KAZN: variants seen among roughly 807,000 people sequenced by gnomAD.
KAZN encodes the protein kazrin.
In KAZN, 40 loss-of-function variants were observed where a neutral mutation model predicts 87.4. The observed-to-expected ratio is 0.46, with a 90% CI of 0.36 to 0.60. The LOEUF (loss-of-function observed/expected upper bound fraction) is 0.60. Ranked by LOEUF, KAZN falls within the 20% of genes least tolerant of loss-of-function variation. KAZN has a pLI of 0.00. For synonymous variants in KAZN, 466 were observed against 458.3 expected, an observed-to-expected ratio of 1.02 and a Z score of -0.22; for missense variants, 898 against 1,073.9, an observed-to-expected ratio of 0.84 and a Z score of 2.29.
intron 2 of KAZN, among the ~76,000 whole-genome samples, chr1:14,986,019 A>T (rs1042482651): frequency 8.6e-4 from 130 of 151,304 alleles, no homozygotes; most frequent in Non-Finnish European, 1.3e-3. Flanking sequence ...AAAAAAAAAA[A>T]AAAAAGGAAA....
At chr1:14,261,578 A>G (rs1651020517) in intron 2 of KAZN, among the ~76,000 whole-genome samples, 1 of 152,174 alleles carries the variant, frequency 6.6e-6, no homozygotes, top group South Asian at 2.1e-4. Flanking sequence ...GAGGCACTTA[A>G]CCCTTCCAGA....
At chr1:14,751,046 G>C (rs1191814042) in intron 1 of KAZN, among the ~76,000 whole-genome samples, 1 of 152,180 alleles carries the variant, frequency 6.6e-6, no homozygotes, top group African/African-American at 2.4e-5. Flanking sequence ...TAGACTCTGG[G>C]CCTCCTTCCT....
intron 2 of KAZN, among the ~76,000 whole-genome samples, chr1:14,986,136 C>T (rs1666799836): frequency 1.3e-5 from 2 of 151,528 alleles, no homozygotes; most frequent in South Asian, 4.2e-4. Flanking sequence ...GATCCTGGAT[C>T]GGAGGGGTGA....
intron 1 of KAZN, among the ~76,000 whole-genome samples, chr1:14,957,165 G>A (rs574569875): frequency 1.4e-4 from 22 of 152,158 alleles, no homozygotes; most frequent in South Asian, 2.1e-4. Flanking sequence ...ATGTTTACCC[G>A]GAATGAGAGC....
intron 2 of KAZN, among the ~76,000 whole-genome samples, chr1:14,542,987 T>G (rs530249902): frequency 1.4e-5 from 2 of 138,060 alleles, no homozygotes; most frequent in South Asian, 2.7e-4. Context: ...GAAAATAGCA[T>G]TGGGTTGGGG....
intron 1 of KAZN, among the ~76,000 whole-genome samples, chr1:14,051,294 A>C (rs1642316416): frequency 1.3e-5 from 2 of 152,192 alleles, no homozygotes; most frequent in Non-Finnish European, 2.9e-5. Context: ...GACTCTTGCT[A>C]AAACTGAACT....
In KAZN at chr1:14,040,414, C is replaced by A. The variant is rs535505730; in HGVS notation, c.92-140021C>A. ...AGCGGGGGATGGAGGGGATTCCTTC[C>A]ATTAGACTCGAATAGGCTTAAAAGC... On this transcript the variant is annotated intron_variant, in intron 1 of 16. Coordinates refer to the KAZN transcript ENST00000636203. 3.9e-4 allele frequency among the ~76,000 whole-genome samples: 59 copies of A among 152,150 alleles called. No individual in the cohort carries two copies. The Middle Eastern group carries it at 0.017, about 44-fold the overall frequency.
chr1:14,120,503 C>T (rs1327276769), intron 1 of KAZN, among the ~76,000 whole-genome samples: 3 of 152,122 alleles, frequency 2.0e-5, no homozygotes, highest in Non-Finnish European at 4.4e-5. Flanking sequence ...AGTTTTATTA[C>T]AAGGGTTTGG....
intron 1 of KAZN, among the ~76,000 whole-genome samples, chr1:14,690,796 T>C (rs1390036460): frequency 2.6e-5 from 4 of 152,182 alleles, no homozygotes; most frequent in Non-Finnish European, 5.9e-5. Context: ...GACCTCACTG[T>C]GGTTTATCTT....
At position 14,563,874 on chromosome 1, in the gene KAZN, C is replaced by CTTTTTTTTTTTTTTTTTTTTTTTTTT. The variant is rs540880203; in HGVS notation, c.250-35095_250-35094insTTTTTTTTTTTTTTTTTTTTTTTTTT. 5.0e-4 allele frequency among the ~76,000 whole-genome samples: 49 copies of CTTTTTTTTTTTTTTTTTTTTTTTTTT among 97,928 alleles called. 9 individuals carry two copies. Among genetic ancestry groups the CTTTTTTTTTTTTTTTTTTTTTTTTTT allele is most frequent in the East Asian group, 1.8e-3 (4 of 2,206 alleles). 64.2% of individuals were successfully genotyped at this position (97,928 alleles called of 152,430 possible). ...TGCACTCAGAGTATGGTTCAAACTC[C>CTTTTTTTTTTTTTTTTTTTTTTTTTT]TTTTTTTTTTTTTTGTCTGAGACAG... On this transcript the variant is annotated intron_variant, in intron 2 of 16. Transcript: ENST00000636203.
chr1:14,179,576 G>C (rs964142710), intron 1 of KAZN, among the ~76,000 whole-genome samples: 2 of 152,176 alleles, frequency 1.3e-5, no homozygotes, highest in Non-Finnish European at 2.9e-5. Context: ...TGTGGCAAAT[G>C]CAGTGGCTTT....
rs544082478 is a variant in KAZN, at chr1:14,773,418, A to G, written c.226+174195A>G. ...CACTCCACGGGGTCTCCCTTCTTGTAGCATTTTCAACTCTGCCTCAAATCA... is the reference window on the plus strand; with the variant it reads ...CACTCCACGGGGTCTCCCTTCTTGTGGCATTTTCAACTCTGCCTCAAATCA... On this transcript the variant is annotated intron_variant, in intron 1 of 14. Coordinates refer to ENST00000376030, the MANE Select transcript of KAZN (RefSeq NM_201628.3). The surrounding 1 kb of genome is among the most constrained non-coding windows in gnomAD (Gnocchi z 5.9). Among the ~76,000 whole-genome samples the G allele has an allele frequency of 9.2e-5, 14 of 152,230 alleles. No homozygotes were observed. Among genetic ancestry groups the G allele is most frequent in the Admixed American group, 4.6e-4 (7 of 15,296 alleles).
intron 1 of KAZN, among the ~76,000 whole-genome samples, chr1:14,041,631 G>A (rs989558126): frequency 6.6e-6 from 1 of 152,012 alleles, no homozygotes; most frequent in African/African-American, 2.4e-5. Flanking sequence ...ATTTTATCCT[G>A]GGGTCTCTCT....
At chr1:14,992,712 C>T (rs867208747) in intron 2 of KAZN, among the ~76,000 whole-genome samples, 1 of 152,114 alleles carries the variant, frequency 6.6e-6, no homozygotes, top group African/African-American at 2.4e-5. Flanking sequence ...AGCGCAATCT[C>T]GTCTCACTGC....
At chr1:14,952,433 G>A (rs1662606879) in intron 1 of KAZN, among the ~76,000 whole-genome samples, 1 of 152,080 alleles carries the variant, frequency 6.6e-6, no homozygotes, top group Admixed American at 6.6e-5. Flanking sequence ...TATTTTGCAG[G>A]GAGGGCTATA....
chr1:14,080,640 G>A (rs61775670), intron 1 of KAZN, among the ~76,000 whole-genome samples: 22,838 of 152,234 alleles, frequency 0.15, 2,333 homozygotes, highest in Middle Eastern at 0.28. Flanking sequence ...TACTGTATGT[G>A]CAGCATGATG....
intron 3 of KAZN, 73 bp from the exon 4 acceptor site, chr1:15,043,916 C>T (rs558635562): frequency 1.4e-6 from 2 of 1,457,534 alleles, no homozygotes; most frequent in African/African-American, 1.4e-5. Flanking sequence ...AGTTAGGCCC[C>T]CTCTAGGCAT....
At chr1:14,899,363 G>A (rs1480629917) in intron 1 of KAZN, among the ~76,000 whole-genome samples, 1 of 152,190 alleles carries the variant, frequency 6.6e-6, no homozygotes, top group Admixed American at 6.5e-5. Context: ...CTGATATAGG[G>A]TAAAACCTTT....
chr1:14,858,973 G>A (rs1437757754), intron 1 of KAZN, among the ~76,000 whole-genome samples: 17 of 152,266 alleles, frequency 1.1e-4, no homozygotes, highest in Middle Eastern at 3.4e-3. Flanking sequence ...TTGGGAGGCC[G>A]AGGCGGGTGG....
Sources: allele counts gnomAD v4.1 joint callset (sites outside exome capture counted in the v4.1 genomes callset), GRCh38; gene constraint gnomAD v4.1.1; non-coding constraint Gnocchi (gnomAD v3.1); transcripts MANE v1.5; gene names NCBI Gene and HGNC (gene_info 2026-07-23, HGNC 2026-07-21).